Variants in LGR5 observed in about 807,000 individuals in gnomAD.
The protein encoded by LGR5 is leucine rich repeat containing G protein-coupled receptor 5, also known as leucine-rich repeat-containing G protein-coupled receptor 5.
In LGR5, 54 loss-of-function variants were observed where a neutral mutation model predicts 76.7. That is an observed-to-expected ratio of 0.70 (90% CI 0.57 to 0.88). LGR5 has a LOEUF of 0.88. Ranked by LOEUF, LGR5 falls within the 40% of genes least tolerant of loss-of-function variation. The pLI, the probability that LGR5 is intolerant of heterozygous loss-of-function variation, is 0.00. For missense variants in LGR5, 1,078 were observed against 1,073.3 expected, an observed-to-expected ratio of 1.00 and a Z score of -0.06; for synonymous variants, 406 against 421.9, an observed-to-expected ratio of 0.96 and a Z score of 0.46.
intron 4 of LGR5, among the ~76,000 whole-genome samples, chr12:71,542,881 A>T (rs927506770): frequency 6.6e-6 from 1 of 151,860 alleles, no homozygotes; most frequent in African/African-American, 2.4e-5. Context: ...AAAAAAAAAA[A>T]GTAAAATCTA....
chr12:71,487,125 G>T (rs897544431), intron 1 of LGR5, among the ~76,000 whole-genome samples: 7 of 152,272 alleles, frequency 4.6e-5, no homozygotes, highest in African/African-American at 1.7e-4. Flanking sequence ...TGACTCACCA[G>T]TTGGGAGTAA....
chr12:71,514,993 A>G (rs1398412331), intron 2 of LGR5, among the ~76,000 whole-genome samples: 1 of 152,206 alleles, frequency 6.6e-6, no homozygotes, highest in African/African-American at 2.4e-5. Flanking sequence ...GGCTTCTGCA[A>G]ATCTTACCAA....
intron 4 of LGR5, among the ~76,000 whole-genome samples, chr12:71,552,405 A>G (rs972170457): frequency 6.6e-6 from 1 of 152,024 alleles, no homozygotes; most frequent in African/African-American, 2.4e-5. Context: ...TCTCTACTAA[A>G]AATGTAAAAA....
chr12:71,556,111 T>C (rs2137418681), intron 5 of LGR5, among the ~76,000 whole-genome samples: 1 of 152,182 alleles, frequency 6.6e-6, no homozygotes, highest in African/African-American at 2.4e-5. Flanking sequence ...AAGTGGGAGT[T>C]AAATGATGGG....
intron 11 of LGR5, 68 bp from the exon 12 acceptor site, chr12:71,571,446 G>T: frequency 8.4e-7 from 1 of 1,192,460 alleles, no homozygotes; most frequent in South Asian, 1.3e-5. Flanking sequence ...GGGAAAAGGA[G>T]AGCAAAGCAT....
intron 1 of LGR5, among the ~76,000 whole-genome samples, chr12:71,495,161 A>C (rs115273157): frequency 0.01 from 1,565 of 151,368 alleles, 142 homozygotes; most frequent in African/African-American, 0.037. Flanking sequence ...AGTTTATTTG[A>C]GTAAGAAGTA....
chr12:71,545,651 T>C (rs1285130017), intron 4 of LGR5, among the ~76,000 whole-genome samples: 1 of 152,094 alleles, frequency 6.6e-6, no homozygotes, highest in Non-Finnish European at 1.5e-5. Context: ...TCATCTCAGA[T>C]ATGGAATTAA....
intron 1 of LGR5, among the ~76,000 whole-genome samples, chr12:71,446,810 T>C (rs1442832071): frequency 9.2e-5 from 14 of 152,212 alleles, no homozygotes; most frequent in Admixed American, 8.5e-4. Context: ...GAGCATTACA[T>C]TATATAGTTT....
At chr12:71,491,844 G>C (rs1334524274) in intron 1 of LGR5, among the ~76,000 whole-genome samples, 1 of 148,640 alleles carries the variant, frequency 6.7e-6, no homozygotes, top group Non-Finnish European at 1.5e-5. Context: ...TTAGGATTTG[G>C]AACCACAGGA....
At chr12:71,503,153 TG>T (rs35322547) in intron 1 of LGR5, among the ~76,000 whole-genome samples, 14,204 of 152,274 alleles carry the variant, frequency 0.093, 704 homozygotes, top group Non-Finnish European at 0.11. Flanking sequence ...GAAACTGCAT[TG>T]ATCAGTTTAA....
At chr12:71,448,907 G>T (rs1387817052) in intron 1 of LGR5, 1 of 152,160 alleles carries the variant, frequency 6.6e-6, no homozygotes, top group Non-Finnish European at 1.5e-5. Flanking sequence ...CCTGCATTTG[G>T]CAATAGGCCT....
At chr12:71,569,838 A>G (rs1042139663) in intron 11 of LGR5, among the ~76,000 whole-genome samples, 2 of 152,204 alleles carry the variant, frequency 1.3e-5, no homozygotes, top group Non-Finnish European at 2.9e-5. Flanking sequence ...AAATCATTGT[A>G]TTATAAAGAT....
intron 1 of LGR5, chr12:71,448,880 G>A (rs1872134956): frequency 6.6e-6 from 1 of 152,148 alleles, no homozygotes; most frequent in Non-Finnish European, 1.5e-5. Flanking sequence ...GTCCTGAAGG[G>A]ACCCTTAGCA....
At chr12:71,578,573 A>C (rs1161303620) in intron 14 of LGR5, among the ~76,000 whole-genome samples, 1 of 152,362 alleles carries the variant, frequency 6.6e-6, no homozygotes, top group East Asian at 1.9e-4. Flanking sequence ...ATGAAGCTGA[A>C]TATAGAACAA....
At chr12:71,582,396 G>A in intron 16 of LGR5, 60 bp from the exon 17 acceptor site, 1 of 1,385,346 alleles carries the variant, frequency 7.2e-7, no homozygotes, top group Non-Finnish European at 1.0e-6. Flanking sequence ...CTCCACTCTG[G>A]GATTTGGTCC....
At position 71,585,157 on chromosome 12, in the gene LGR5, G is replaced by C. The variant is rs182219309; in HGVS notation, c.*423G>C. The C allele has an allele frequency of 1.2e-3, 193 of 163,464 alleles. 2 individuals carry two copies. The highest frequency in any genetic ancestry group is 2.8e-4 in the Non-Finnish European group (21 of 74,690). The allele number at this position is 163,464 out of a possible 1,614,324, so 10.1% of individuals were successfully genotyped here. A position where few individuals can be genotyped will look rare whatever the true frequency, so the allele number is the denominator to read the frequency against. The stretch of plus-strand genomic sequence containing the variant: ...TTGTTGGGGGAATTAGGAAAATAAG[G>C]GTTTTCAATGACCTACATTGCTAGG... On this transcript the variant is annotated 3_prime_UTR_variant, in exon 18 of 18. Coordinates refer to ENST00000266674, the MANE Select transcript of LGR5 (RefSeq NM_003667.4).
chr12:71,510,924 G>A (rs1266424089), intron 2 of LGR5, among the ~76,000 whole-genome samples: 1 of 152,100 alleles, frequency 6.6e-6, no homozygotes, highest in East Asian at 1.9e-4. Context: ...AATCAGTATG[G>A]CTGGAGCAGA....
intron 1 of LGR5, among the ~76,000 whole-genome samples, chr12:71,491,474 TAA>T (rs1874070330): frequency 6.6e-6 from 1 of 152,094 alleles, no homozygotes; most frequent in African/African-American, 2.4e-5. Flanking sequence ...CTTTAGAGAA[TAA>T]AGTTTTTCCA....
intron 3 of LGR5, among the ~76,000 whole-genome samples, chr12:71,528,401 A>G (rs556059146): frequency 6.6e-6 from 1 of 152,258 alleles, no homozygotes; most frequent in South Asian, 2.1e-4. Flanking sequence ...GGTTGGGGCT[A>G]CAGTGAGCCA....
Sources: gnomAD v4.1 joint callset for allele counts (sites outside exome capture counted in the v4.1 genomes callset) on GRCh38, gnomAD v4.1.1 for gene constraint, MANE v1.5 for transcripts, NCBI Gene and HGNC (gene_info 2026-07-23, HGNC 2026-07-21) for gene names.